MYO16: variants seen among roughly 807,000 people sequenced by gnomAD.
MYO16 encodes the protein myosin XVI, also known as unconventional myosin-XVI.
A neutral mutation model predicts 205.3 loss-of-function variants in MYO16; 94 were observed. The ratio of observed to expected loss-of-function variants is 0.46; its 90% CI spans 0.39 to 0.54. The LOEUF (loss-of-function observed/expected upper bound fraction) is 0.54, where lower values mean the gene tolerates loss of function less well. MYO16 is among the 20% of genes least tolerant of loss of function. The pLI is 0.00. For missense variants in MYO16, 2,315 were observed against 2,387.5 expected, an observed-to-expected ratio of 0.97 and a Z score of 0.63; for synonymous variants, 988 against 954.0, an observed-to-expected ratio of 1.04 and a Z score of -0.66.
intron 23 of MYO16, among the ~76,000 whole-genome samples, chr13:109,023,720 T>C (rs1255719309): frequency 7.5e-6 from 1 of 133,086 alleles, no homozygotes; most frequent in African/African-American, 2.7e-5. Flanking sequence ...TACAAATATA[T>C]GTATATATGC....
Position 109,186,013 on chromosome 13 carries a change from T to C in MYO16, c.5415+6380T>C, listed in dbSNP as rs181042180. On this transcript the variant is annotated intron_variant, in intron 34 of 34. Transcript: ENST00000457511. ...TTTTATTCTAAGAATTAGCTCCAGG[T>C]GAAATGTACAGACTTTAGGGTTAAC... Among the ~76,000 whole-genome samples the C allele has an allele frequency of 1.4e-4, 21 of 152,080 alleles. No individual in the cohort carries two copies. In the East Asian group the frequency reaches 3.3e-3, roughly 24 times the overall value.
chr13:108,795,611 T>C (rs1007740931), intron 6 of MYO16, among the ~76,000 whole-genome samples: 5 of 152,138 alleles, frequency 3.3e-5, no homozygotes, highest in Non-Finnish European at 7.4e-5. Flanking sequence ...AACTCTGTCA[T>C]AAGAAAAGAA....
At chr13:108,930,820 C>T (rs1240587992) in intron 16 of MYO16, among the ~76,000 whole-genome samples, 4 of 151,800 alleles carry the variant, frequency 2.6e-5, no homozygotes, top group Admixed American at 2.0e-4. Flanking sequence ...TATAAATAAA[C>T]CAATGGGAAA....
At chr13:108,856,903 T>C (rs1302133782) in intron 11 of MYO16, among the ~76,000 whole-genome samples, 1 of 152,114 alleles carries the variant, frequency 6.6e-6, no homozygotes, top group Non-Finnish European at 1.5e-5. Context: ...ACAAATGTAA[T>C]CTCAAAACTC....
intron 27 of MYO16, among the ~76,000 whole-genome samples, chr13:109,065,425 C>A (rs1887714705): frequency 6.6e-6 from 1 of 151,712 alleles, no homozygotes. Context: ...TTTCATCTCT[C>A]CCCGATATGT....
At chr13:108,554,162 A>G in the MYO16 span, among the ~76,000 whole-genome samples, 1 of 152,252 alleles carries the variant, frequency 6.6e-6, no homozygotes, top group East Asian at 1.9e-4. Context: ...CTTGACGACA[A>G]ATTACAGAAA....
intron 2 of MYO16, among the ~76,000 whole-genome samples, chr13:108,679,728 A>G (rs945777756): frequency 2.0e-5 from 3 of 149,714 alleles, no homozygotes; most frequent in African/African-American, 7.3e-5. Flanking sequence ...AAAAATAATA[A>G]TAATAATAAT....
At chr13:108,505,272 C>T in the MYO16 span, among the ~76,000 whole-genome samples, 1 of 152,190 alleles carries the variant, frequency 6.6e-6, no homozygotes, top group Non-Finnish European at 1.5e-5. Flanking sequence ...TACCTCCCCA[C>T]TAAAAGTGCA....
intron 7 of MYO16, among the ~76,000 whole-genome samples, chr13:108,819,539 C>A (rs1467951015): frequency 6.6e-6 from 1 of 151,770 alleles, no homozygotes; most frequent in East Asian, 1.9e-4. Flanking sequence ...TGGGGAGAAA[C>A]ACATGAAGAT....
At chr13:108,627,738 A>G (rs1879799510), upstream of MYO16, among the ~76,000 whole-genome samples, 1 of 152,204 alleles carries the variant, frequency 6.6e-6, no homozygotes, top group African/African-American at 2.4e-5. Context: ...TGTCAAGTGC[A>G]CAACATGCCC....
chr13:108,692,664 G>A (rs1882943553), intron 2 of MYO16, among the ~76,000 whole-genome samples: 1 of 152,162 alleles, frequency 6.6e-6, no homozygotes, highest in Admixed American at 6.5e-5. Flanking sequence ...CTTTCTACAT[G>A]AGCTTCTCTG....
intron 16 of MYO16, among the ~76,000 whole-genome samples, chr13:108,933,140 G>A (rs541567602): frequency 6.6e-6 from 1 of 152,270 alleles, no homozygotes; most frequent in African/African-American, 2.4e-5. Context: ...GTATACCAAG[G>A]CATTCCTTCT....
Position 109,206,789 on chromosome 13 carries a change from G to A in MYO16, c.5596G>A (p.Ala1866Thr). ...CAGCCTTCTGAAGAAGCCGGAAGGG[G>A]CCTCCTGCAACAGGCTGCCGTCTGA... ...KPSLLKKPEG[A>T]SCNRLPSELW... is the part of the protein sequence containing the mutation. Residue 1866 changes from alanine (A) to threonine (T), a missense_variant, in exon 35 of 35, where the codon GCC becomes ACC. Physicochemically the swap from Ala to Thr is moderately conservative, Grantham distance 58. Around this residue, in one of 3 missense-constraint regions of MYO16, gnomAD observed 1,097 missense variants for 1,092.0 expected, o/e 1.00. Transcript: ENST00000457511. The A allele has an allele frequency of 2.5e-6, 4 of 1,614,178 alleles. No individual in the cohort carries two copies. The highest frequency in any genetic ancestry group is 3.4e-6 in the Non-Finnish European group (4 of 1,180,026).
chr13:108,592,710 T>C (rs561110183), upstream of MYO16, among the ~76,000 whole-genome samples: 15 of 102,106 alleles, frequency 1.5e-4, no homozygotes, highest in Non-Finnish European at 2.2e-4. Context: ...GGGGTACGTG[T>C]GGTGTGTGTG....
chr13:109,015,464 A>T (rs1271406835), intron 22 of MYO16, among the ~76,000 whole-genome samples: 1 of 152,182 alleles, frequency 6.6e-6, no homozygotes, highest in Non-Finnish European at 1.5e-5. Context: ...TATCAGGATG[A>T]TGCTGGCCTC....
intron 11 of MYO16, among the ~76,000 whole-genome samples, chr13:108,859,042 T>C (rs1213598339): frequency 1.3e-5 from 2 of 152,154 alleles, no homozygotes; most frequent in Non-Finnish European, 2.9e-5. Flanking sequence ...CCCAGTCTAT[T>C]TGAAATCGCA....
chr13:108,581,880 G>GAA, the MYO16 span, among the ~76,000 whole-genome samples: 2 of 99,876 alleles, frequency 2.0e-5, no homozygotes, highest in Non-Finnish European at 2.0e-5. Flanking sequence ...ACGCTGTCTC[G>GAA]AAAAAAAAAA....
At chr13:108,695,803 C>T (rs1926501) in intron 2 of MYO16, among the ~76,000 whole-genome samples, 71,470 of 151,850 alleles carry the variant, frequency 0.47, 17,194 homozygotes, top group East Asian at 0.65. Flanking sequence ...AGAAAGTGAA[C>T]ATCATATAAC....
At chr13:109,017,568 G>A (rs145644969) in intron 22 of MYO16, among the ~76,000 whole-genome samples, 4 of 152,242 alleles carry the variant, frequency 2.6e-5, no homozygotes, top group African/African-American at 7.2e-5. Context: ...TTCCAACTTG[G>A]TTCCCTTCTC....
Sources: allele counts gnomAD v4.1 joint callset (sites outside exome capture counted in the v4.1 genomes callset), GRCh38; gene constraint gnomAD v4.1.1; regional missense constraint gnomAD v4.1.1; transcripts MANE v1.5; gene names NCBI Gene and HGNC (gene_info 2026-07-23, HGNC 2026-07-21).